The following TAF4B variants were observed in gnomAD, a reference collection of about 807,000 sequenced individuals.
TAF4B encodes TATA-box binding protein associated factor 4b.
Under a neutral mutation model 86.4 loss-of-function variants are expected in TAF4B, and 38 were observed. That is an observed-to-expected ratio of 0.44 (90% CI 0.34 to 0.58). The LOEUF (loss-of-function observed/expected upper bound fraction) is 0.58. Ranked by LOEUF, TAF4B falls within the 20% of genes least tolerant of loss-of-function variation. TAF4B has a pLI of 0.02. For synonymous variants in TAF4B, 388 were observed against 391.2 expected (o/e 0.99, Z 0.10); for missense variants, 988 against 1,027.6 (o/e 0.96, Z 0.53).
intron 12 of TAF4B, among the ~76,000 whole-genome samples, chr18:26,329,616 G>A (rs1221747695): frequency 2.0e-5 from 3 of 152,164 alleles, no homozygotes; most frequent in Non-Finnish European, 2.9e-5. Context: ...AAGAGTATAA[G>A]CCTTACCTTC....
chr18:26,226,918 G>C lies in TAF4B; in HGVS notation c.-16G>C. ...CCGGAACCGCAGCGCCAAAGCTGCC[G>C]CTGAGCCCCTGGGGGATGCCCGCCG... On this transcript the variant is annotated 5_prime_UTR_variant, in exon 1 of 15. Transcript: ENST00000269142. The C allele has an allele frequency of 7.4e-7, 1 of 1,351,430 alleles. No individual in the cohort carries two copies. Among genetic ancestry groups the C allele is most frequent in the East Asian group, 3.1e-5 (1 of 32,124 alleles). 83.7% of individuals were successfully genotyped at this position (1,351,430 alleles called of 1,614,324 possible). A position where few individuals can be genotyped will look rare whatever the true frequency, so the allele number is the denominator to read the frequency against.
chr18:26,343,387 C>A (rs367684044), intron 13 of TAF4B, among the ~76,000 whole-genome samples: 1 of 152,262 alleles, frequency 6.6e-6, no homozygotes, highest in African/African-American at 2.4e-5. Context: ...TTCTAATGAG[C>A]GTACCAAAGC....
intron 1 of TAF4B, among the ~76,000 whole-genome samples, chr18:26,242,819 G>T (rs1391920794): frequency 1.3e-5 from 2 of 152,132 alleles, no homozygotes; most frequent in Admixed American, 6.5e-5. Flanking sequence ...GTCTGTAAAG[G>T]ATTTTATTTC....
chr18:26,327,208 G>C, intron 12 of TAF4B, 68 bp downstream of exon 12: 1 of 1,544,286 alleles, frequency 6.5e-7, no homozygotes, highest in Non-Finnish European at 8.7e-7. Flanking sequence ...TTTATCGTTG[G>C]TTGACTGTCT....
intron 11 of TAF4B, among the ~76,000 whole-genome samples, chr18:26,325,191 T>A (rs544606145): frequency 6.6e-6 from 1 of 152,354 alleles, no homozygotes; most frequent in Admixed American, 6.5e-5. Flanking sequence ...ACTGAAGATA[T>A]GTTATAGTCG....
intron 1 of TAF4B, among the ~76,000 whole-genome samples, chr18:26,249,726 A>AT (rs1484135611): frequency 4.6e-5 from 7 of 150,818 alleles, no homozygotes; most frequent in African/African-American, 7.3e-5. Context: ...CACTTTATTT[A>AT]TTTTTTTTTA....
intron 3 of TAF4B, among the ~76,000 whole-genome samples, chr18:26,270,839 AGTATTACATTGT>A (rs112626499): frequency 0.48 from 72,206 of 151,880 alleles, 20,094 homozygotes; most frequent in East Asian, 0.82. Context: ...AGAACCATGG[AGTATTACATTGT>A]GTTAGTACAT....
At chr18:26,274,630 A>G (rs763840181) in intron 3 of TAF4B, 33 bp from the exon 4 acceptor site, 23 of 1,612,752 alleles carry the variant, frequency 1.4e-5, no homozygotes, top group Non-Finnish European at 2.0e-5. Context: ...TCATAGTAAT[A>G]CATGCCTAAA....
chr18:26,307,801 T>A (rs191441085), intron 9 of TAF4B, among the ~76,000 whole-genome samples: 1 of 152,292 alleles, frequency 6.6e-6, no homozygotes, highest in East Asian at 1.9e-4. Context: ...CATATATAAT[T>A]CATTGTTTTA....
At chr18:26,363,520 G>A (rs1287256107) in intron 14 of TAF4B, among the ~76,000 whole-genome samples, 2 of 152,096 alleles carry the variant, frequency 1.3e-5, no homozygotes, top group East Asian at 3.9e-4. Context: ...ACTCCAGCCT[G>A]GGTGACACAG....
intron 13 of TAF4B, among the ~76,000 whole-genome samples, chr18:26,344,290 G>T (rs1245048193): frequency 2.0e-5 from 3 of 150,772 alleles, no homozygotes; most frequent in African/African-American, 7.3e-5. Flanking sequence ...TGAAGAAAGG[G>T]ACACATCAAT....
Position 26,226,833 on chromosome 18 carries a change from T to C in TAF4B, c.-101T>C. ...CCCGCGCCTCTCCCCAGCGATGCTG[T>C]GGAACCCGAACCGCACCGGAGTCGG... On this transcript the variant is annotated 5_prime_UTR_variant, in exon 1 of 15. Coordinates refer to ENST00000269142, the MANE Select transcript of TAF4B (RefSeq NM_005640.3). 2 of 981,880 alleles carry C rather than the reference T, an allele frequency of 2.0e-6. No individual in the cohort carries two copies. Among genetic ancestry groups the C allele is most frequent in the Non-Finnish European group, 2.7e-6 (2 of 734,640 alleles). The allele number at this position is 981,880 out of a possible 1,614,324, so 60.8% of individuals were successfully genotyped here. A position where few individuals can be genotyped will look rare whatever the true frequency, so the allele number is the denominator to read the frequency against.
Position 26,274,963 on chromosome 18 carries a change from C to T in TAF4B, c.792C>T (p.Asn264=), listed in dbSNP as rs374577153. ...TAGAAAATGTGAAGAAATGCAAGAA[C>T]TTCCTTGCAATGTTAATAAAACTAG... ...TMLENVKKCK[N]FLAMLIKLAC... Residue 264 remains asparagine (N), a synonymous_variant, in exon 5 of 15, where the codon AAC becomes AAT. Coordinates refer to ENST00000269142, the MANE Select transcript of TAF4B (RefSeq NM_005640.3). 1.9e-6 allele frequency: 3 copies of T among 1,613,222 alleles called. No homozygotes were observed. The African/African-American group carries it at 4.0e-5, about 22-fold the overall frequency.
chr18:26,346,857 A>ATATATGTGTG (rs1344017532), intron 13 of TAF4B, among the ~76,000 whole-genome samples: 2 of 9,846 alleles, frequency 2.0e-4, no homozygotes, highest in Non-Finnish European at 6.4e-4. Context: ...ATATATATAT[A>ATATATGTGTG]TGTGTATATA....
chr18:26,374,277 G>C (rs751119694), intron 14 of TAF4B, among the ~76,000 whole-genome samples: 10 of 151,958 alleles, frequency 6.6e-5, no homozygotes, highest in Non-Finnish European at 1.2e-4. Context: ...TTTTTAAAAG[G>C]CTGTCCAGCT....
At chr18:26,368,075 A>C (rs1347623531) in intron 14 of TAF4B, among the ~76,000 whole-genome samples, 2 of 152,208 alleles carry the variant, frequency 1.3e-5, no homozygotes, top group Admixed American at 1.3e-4. Flanking sequence ...AGAAGTGTTG[A>C]ACAACCTCTA....
At chr18:26,346,855 A>G (rs1168746685) in intron 13 of TAF4B, among the ~76,000 whole-genome samples, 5 of 9,796 alleles carry the variant, frequency 5.1e-4, no homozygotes, top group Admixed American at 7.7e-4. Context: ...GTATATATAT[A>G]TATGTGTATA....
chr18:26,309,245 A>ATTTTTTTTTT (rs59457633), intron 9 of TAF4B, among the ~76,000 whole-genome samples: 3 of 84,590 alleles, frequency 3.5e-5, no homozygotes, highest in African/African-American at 1.2e-4. Context: ...ACCTGACAGT[A>ATTTTTTTTTT]TTTTTTTTTT....
At chr18:26,251,813 T>C (rs1399213062) in intron 1 of TAF4B, among the ~76,000 whole-genome samples, 1 of 152,184 alleles carries the variant, frequency 6.6e-6, no homozygotes, top group East Asian at 1.9e-4. Flanking sequence ...GCCTTTGAGA[T>C]AAATAATTGG....
Sources: gnomAD v4.1 joint callset for allele counts (sites outside exome capture counted in the v4.1 genomes callset) on GRCh38, gnomAD v4.1.1 for gene constraint, MANE v1.5 for transcripts, NCBI Gene and HGNC (gene_info 2026-07-23, HGNC 2026-07-21) for gene names.